MAGI1: variants seen among roughly 807,000 people sequenced by gnomAD.
MAGI1 encodes membrane-associated guanylate kinase, WW and PDZ domain-containing protein 1.
MAGI1 carries 58 observed loss-of-function variants against 139.9 expected under a neutral mutation model. The observed-to-expected ratio is 0.41, with a 90% CI of 0.34 to 0.52. The LOEUF is 0.52. Ranked by LOEUF, MAGI1 falls within the 20% of genes least tolerant of loss-of-function variation. MAGI1 has a pLI of 0.12. For synonymous variants in MAGI1, 812 were observed against 737.9 expected (o/e 1.10, Z -1.63); for missense variants, 1,874 against 1,901.6 (o/e 0.99, Z 0.27).
chr3:65,770,833 C>T (rs2037888761), intron 1 of MAGI1, among the ~76,000 whole-genome samples: 1 of 151,934 alleles, frequency 6.6e-6, no homozygotes, highest in African/African-American at 2.4e-5. Context: ...GGACTACAGG[C>T]ATGTGCCACA....
chr3:65,627,485 CTTTTTTTTTTTTTTTTTTTTT>C lies in MAGI1; in HGVS notation c.314-5418_314-5398del, dbSNP rs779588733. ...TTGCCGTTATTTTATATTTCTGTAT[CTTTTTTTTTTTTTTTTTTTTT>C]TTTTTTTTTTTTTTTTTTTGAGATG... On this transcript the variant is annotated intron_variant, in intron 1 of 22. Coordinates refer to ENST00000402939, the MANE Select transcript of MAGI1 (RefSeq NM_001033057.2). 7.1e-3 allele frequency among the ~76,000 whole-genome samples: 201 copies of C among 28,348 alleles called. 2 individuals carry two copies. Among genetic ancestry groups the C allele is most frequent in the East Asian group, 0.019 (20 of 1,040 alleles). 18.6% of individuals were successfully genotyped at this position (28,348 alleles called of 152,430 possible). A position where few individuals can be genotyped will look rare whatever the true frequency, so the allele number is the denominator to read the frequency against.
In MAGI1 at chr3:65,470,478, G is replaced by C. The variant is rs1950488111; in HGVS notation, c.764C>G (p.Ser255Cys). 1.2e-6 allele frequency: 2 copies of C among 1,606,120 alleles called. No homozygotes were observed. The change falls in exon 5 of 23, where the codon TCT (serine) becomes TGT (cysteine). Residue 255 changes from serine (S) to cysteine (C), a missense_variant. Physicochemically the swap from Ser to Cys is moderately radical, Grantham distance 112. This residue lies in a region of MAGI1 where 648 missense variants were observed against 598.1 expected (regional missense o/e 1.08). Transcript: ENST00000402939. Reference protein sequence around the residue: ...PEMNSSFTADSGEQEEHTLQE... With the variant: ...PEMNSSFTADCGEQEEHTLQE... ...GAGAGTGTGCTCCTCTTGTTCACCA[G>C]AATCGGCTGCTTAATCATGTGAAGA...
At chr3:65,383,465 A>C (rs1449352036) in intron 15 of MAGI1, 67 bp downstream of exon 15, 1 of 1,157,714 alleles carries the variant, frequency 8.6e-7, no homozygotes, top group East Asian at 2.3e-5. Context: ...GTGATTTGTC[A>C]CTGTCGCCAA....
intron 1 of MAGI1, among the ~76,000 whole-genome samples, chr3:65,793,754 C>A (rs2039940372): frequency 6.6e-6 from 1 of 152,166 alleles, no homozygotes; most frequent in South Asian, 2.1e-4. Flanking sequence ...TCTCTCCTTT[C>A]AGTTTACCTT....
chr3:65,589,083 A>G (rs762801896), intron 2 of MAGI1, among the ~76,000 whole-genome samples: 3 of 152,184 alleles, frequency 2.0e-5, no homozygotes, highest in Non-Finnish European at 4.4e-5. Flanking sequence ...AGGTCAGAGT[A>G]AACAGTTTAC....
chr3:65,956,715 A>G (rs1192195018), intron 1 of MAGI1, among the ~76,000 whole-genome samples: 1 of 152,100 alleles, frequency 6.6e-6, no homozygotes, highest in Admixed American at 6.6e-5. Flanking sequence ...TACCTATTGA[A>G]GGCAGGGCAT....
At chr3:65,886,723 A>C (rs1404981942) in intron 1 of MAGI1, among the ~76,000 whole-genome samples, 1 of 152,244 alleles carries the variant, frequency 6.6e-6, no homozygotes, top group Non-Finnish European at 1.5e-5. Flanking sequence ...TTGCAGAATC[A>C]CAGTAGCGTA....
intron 1 of MAGI1, among the ~76,000 whole-genome samples, chr3:65,954,748 A>G (rs1364604116): frequency 6.6e-6 from 1 of 151,788 alleles, no homozygotes; most frequent in Admixed American, 6.6e-5. Flanking sequence ...TTTCTTAAAC[A>G]CTCTCTGCCT....
intron 2 of MAGI1, among the ~76,000 whole-genome samples, chr3:65,579,430 C>T (rs1446176210): frequency 6.6e-6 from 1 of 152,184 alleles, no homozygotes; most frequent in Non-Finnish European, 1.5e-5. Flanking sequence ...ACCAGATACA[C>T]CACACTACAC....
At chr3:65,884,653 T>G (rs2060463437) in intron 1 of MAGI1, among the ~76,000 whole-genome samples, 1 of 152,176 alleles carries the variant, frequency 6.6e-6, no homozygotes, top group Non-Finnish European at 1.5e-5. Flanking sequence ...CATGGGTATA[T>G]TGCATGATGC....
intron 1 of MAGI1, among the ~76,000 whole-genome samples, chr3:65,909,574 T>A (rs2061575759): frequency 6.6e-6 from 1 of 151,980 alleles, no homozygotes; most frequent in South Asian, 2.1e-4. Flanking sequence ...TGGGTGCCTA[T>A]AATCCCAACT....
intron 2 of MAGI1, among the ~76,000 whole-genome samples, chr3:65,534,256 A>G (rs1453465559): frequency 6.6e-6 from 1 of 152,122 alleles, no homozygotes; most frequent in East Asian, 1.9e-4. Context: ...CCAAGGTGGT[A>G]GGATCATTTG....
At chr3:65,377,201 A>G (rs1263382075) in intron 17 of MAGI1, among the ~76,000 whole-genome samples, 1 of 152,206 alleles carries the variant, frequency 6.6e-6, no homozygotes, top group Non-Finnish European at 1.5e-5. Context: ...CTGAGCTTGT[A>G]TCACAGAATG....
chr3:65,398,552 G>A (rs1251121653), intron 13 of MAGI1, among the ~76,000 whole-genome samples: 7 of 152,110 alleles, frequency 4.6e-5, no homozygotes, highest in Admixed American at 6.6e-5. Context: ...GAATTCATAC[G>A]AAAACGGTGG....
At chr3:65,385,142 G>C (rs1943347267) in intron 14 of MAGI1, among the ~76,000 whole-genome samples, 1 of 152,070 alleles carries the variant, frequency 6.6e-6, no homozygotes, top group South Asian at 2.1e-4. Context: ...CTCAGCAATG[G>C]TCCAGGGCTT....
intron 1 of MAGI1, among the ~76,000 whole-genome samples, chr3:65,771,725 A>T (rs57447409): frequency 0.017 from 2,517 of 152,346 alleles, 67 homozygotes; most frequent in African/African-American, 0.057. Flanking sequence ...TAATGGATTT[A>T]ATTTTATTCA....
chr3:65,595,810 G>A (rs1283473603), intron 2 of MAGI1, among the ~76,000 whole-genome samples: 2 of 16,142 alleles, frequency 1.2e-4, no homozygotes, highest in Non-Finnish European at 2.8e-4. Flanking sequence ...AACTCTCTGG[G>A]GTGGGTAGGG....
intron 1 of MAGI1, among the ~76,000 whole-genome samples, chr3:65,921,770 C>T (rs185152440): frequency 1.9e-4 from 29 of 152,100 alleles, no homozygotes; most frequent in African/African-American, 6.8e-4. Flanking sequence ...TTGTCTGTAG[C>T]CTGCTAGTAA....
intron 1 of MAGI1, among the ~76,000 whole-genome samples, chr3:66,011,430 C>T (rs1367425397): frequency 1.3e-5 from 2 of 152,180 alleles, no homozygotes; most frequent in African/African-American, 2.4e-5. Flanking sequence ...CAATTACACA[C>T]ACACAAACAT....
Sources: gnomAD v4.1 joint callset for allele counts (sites outside exome capture counted in the v4.1 genomes callset) on GRCh38, gnomAD v4.1.1 for gene constraint, gnomAD v4.1.1 regional missense constraint, MANE v1.5 for transcripts, NCBI Gene and HGNC (gene_info 2026-07-23, HGNC 2026-07-21) for gene names.